Variants in FARP2 observed in about 807,000 individuals in gnomAD.
FARP2 encodes the protein FERM, ARH/RhoGEF and pleckstrin domain protein 2, also known as FERM, ARHGEF and pleckstrin domain-containing protein 2.
FARP2 carries 111 observed loss-of-function variants against 130.5 expected under a neutral mutation model. The ratio of observed to expected loss-of-function variants is 0.85; its 90% CI spans 0.73 to 1.00. The LOEUF (loss-of-function observed/expected upper bound fraction) is 1.00, where lower values mean the gene tolerates loss of function less well. FARP2 is among the 50% of genes least tolerant of loss of function. FARP2 has a pLI of 0.00. For synonymous variants in FARP2, 504 were observed against 516.9 expected, an observed-to-expected ratio of 0.98 and a Z score of 0.34; for missense variants, 1,385 against 1,346.3, an observed-to-expected ratio of 1.03 and a Z score of -0.45.
intron 6 of FARP2, among the ~76,000 whole-genome samples, chr2:241,412,665 AAAAT>A (rs2062550755): frequency 6.6e-6 from 1 of 152,212 alleles, no homozygotes; most frequent in Non-Finnish European, 1.5e-5. Flanking sequence ...ACATTATCCT[AAAAT>A]AAATAAAATA....
At position 241,427,973 on chromosome 2, in the gene FARP2, A is replaced by G. The variant is rs760550216; in HGVS notation, c.772-3706A>G. On this transcript the variant is annotated intron_variant, in intron 8 of 26. Transcript: ENST00000264042. ...AGTAGAGGCGGGGTTTCACTGTGTT[A>G]GCCAGGATGGTCTCGATCTCCTGAC... is the stretch of plus-strand genomic sequence containing the variant. 2.1e-3 allele frequency among the ~76,000 whole-genome samples: 325 copies of G among 152,000 alleles called. 1 individual carries two copies. The highest frequency in any genetic ancestry group is 6.6e-3 in the East Asian group (34 of 5,146).
chr2:241,389,491 A>G (rs1478714392), intron 2 of FARP2, among the ~76,000 whole-genome samples: 1 of 152,220 alleles, frequency 6.6e-6, no homozygotes, highest in Non-Finnish European at 1.5e-5. Context: ...ACTATGAGAA[A>G]TAAATGTTTG....
intron 8 of FARP2, among the ~76,000 whole-genome samples, chr2:241,418,497 TC>T (rs2062733163): frequency 9.9e-6 from 1 of 100,574 alleles, no homozygotes; most frequent in Non-Finnish European, 2.2e-5. Context: ...TGGAGCAGTC[TC>T]TGTGCTGTGG....
chr2:241,494,433 C>T lies in FARP2; in HGVS notation c.*308C>T, dbSNP rs545982528. On this transcript the variant is annotated 3_prime_UTR_variant, in exon 27 of 27. Transcript: ENST00000264042. The surrounding 1 kb of genome is among the most constrained non-coding windows in gnomAD (Gnocchi z 4.9). ...GCAGACAAGGCCTGAGCAGTGCTCT[C>T]GGCATCGGACCAAAGCCTGGGCACA... is the stretch of plus-strand genomic sequence containing the variant. 13 of 216,926 alleles carry T rather than the reference C, an allele frequency of 6.0e-5. No individual in the cohort carries two copies. The highest frequency in any genetic ancestry group is 1.4e-4 in the African/African-American group (6 of 43,962). The allele number at this position is 216,926 out of a possible 1,614,324, so 13.4% of individuals were successfully genotyped here.
At position 241,494,328 on chromosome 2, in the gene FARP2, T is replaced by G. The variant is rs1382072238; in HGVS notation, c.*203T>G. 2.6e-6 allele frequency: 1 copy of G among 388,694 alleles called. No individual in the cohort carries two copies. The highest frequency in any genetic ancestry group is 4.6e-5 in the Admixed American group (1 of 21,924). 24.1% of individuals were successfully genotyped at this position (388,694 alleles called of 1,614,324 possible). ...AGGACCTAGTGCATGCCAGCAGCTA[T>G]CTGGGGCCCTGGGAAAAATGTGCGA... On this transcript the variant is annotated 3_prime_UTR_variant, in exon 27 of 27. Coordinates refer to ENST00000264042, the MANE Select transcript of FARP2 (RefSeq NM_014808.4). This position sits in a 1 kb window ranked among gnomAD's most constrained non-coding sequence, Gnocchi z 4.9.
At chr2:241,454,463 A>G (rs2150448984) in intron 13 of FARP2, among the ~76,000 whole-genome samples, 1 of 152,356 alleles carries the variant, frequency 6.6e-6, no homozygotes, top group South Asian at 2.1e-4. Flanking sequence ...CCGAATTCTC[A>G]TCACATAAAA....
intron 13 of FARP2, chr2:241,444,669 C>T (rs1468864832): frequency 1.3e-5 from 2 of 152,078 alleles, no homozygotes; most frequent in Non-Finnish European, 2.9e-5. Context: ...CGCTCATGTG[C>T]GAGATTCTAA....
chr2:241,468,804 G>C (rs2240480), intron 18 of FARP2, among the ~76,000 whole-genome samples: 2 of 152,186 alleles, frequency 1.3e-5, no homozygotes, highest in African/African-American at 4.8e-5. Flanking sequence ...GCTCTAAAAC[G>C]TACAAAAGAT....
In FARP2 at chr2:241,437,132, CT is replaced by C. The variant is rs1304011874; in HGVS notation, c.1158+595del. Among the ~76,000 whole-genome samples, 6 of 152,318 alleles carry C rather than the reference CT, an allele frequency of 3.9e-5. No homozygotes were observed. In the East Asian group the frequency reaches 9.6e-4, roughly 24 times the overall value. ...TTCACTTAGTAGGATTTTTTGTTAA[CT>C]GCTGAAAGCATGGCTTAAAAAGAGT... is the stretch of plus-strand genomic sequence containing the variant. On this transcript the variant is annotated intron_variant, in intron 12 of 26. Transcript: ENST00000264042.
At chr2:241,462,876 G>A (rs531660125) in intron 15 of FARP2, among the ~76,000 whole-genome samples, 1 of 152,014 alleles carries the variant, frequency 6.6e-6, no homozygotes, top group African/African-American at 2.4e-5. Flanking sequence ...TTTTAGTAGA[G>A]GTGGGGTTTC....
chr2:241,380,125 G>A (rs1447876691), intron 2 of FARP2, among the ~76,000 whole-genome samples: 1 of 152,204 alleles, frequency 6.6e-6, no homozygotes, highest in African/African-American at 2.4e-5. Context: ...ATAGGGAAAT[G>A]TCATCCTATT....
Position 241,494,081 on chromosome 2 carries a change from C to T in FARP2, c.3121C>T (p.Pro1041Ser). 2 of 1,451,672 alleles carry T rather than the reference C, an allele frequency of 1.4e-6. No homozygotes were observed. The highest frequency in any genetic ancestry group is 3.3e-5 in the South Asian group (2 of 60,614). 89.9% of individuals were successfully genotyped at this position (1,451,672 alleles called of 1,614,324 possible). ...APSIVQDGPQ[P>S]SSGLEGMVRG... ...AAGCATCGTGCAGGATGGCCCCCAA[C>T]CCTCCTCAGGGCTGGAGGGGATGGT... The change falls in exon 27 of 27, where the codon CCC (proline) becomes TCC (serine). Residue 1041 changes from proline (P) to serine (S), a missense_variant. Pro to Ser is a moderately conservative substitution (Grantham distance 74, BLOSUM62 -1). Transcript: ENST00000264042. This position sits in a 1 kb window ranked among gnomAD's most constrained non-coding sequence, Gnocchi z 4.9.
At chr2:241,460,098 T>G (rs2063974313) in intron 14 of FARP2, among the ~76,000 whole-genome samples, 1 of 152,140 alleles carries the variant, frequency 6.6e-6, no homozygotes, top group African/African-American at 2.4e-5. Context: ...GAAGTTGTCC[T>G]CCCTCTACCA....
intron 21 of FARP2, among the ~76,000 whole-genome samples, chr2:241,484,567 C>G (rs1372279023): frequency 2.6e-5 from 4 of 152,282 alleles, no homozygotes; most frequent in African/African-American, 9.6e-5. Flanking sequence ...TGGTTCCCTT[C>G]TAGGGAAACC....
At chr2:241,425,605 T>C (rs1366658171) in intron 8 of FARP2, among the ~76,000 whole-genome samples, 1 of 129,626 alleles carries the variant, frequency 7.7e-6, no homozygotes, top group Non-Finnish European at 1.5e-5. Context: ...AAATGTGTTG[T>C]GAAATTGAGG....
chr2:241,405,664 G>GT (rs2062313795), intron 4 of FARP2, among the ~76,000 whole-genome samples: 1 of 151,720 alleles, frequency 6.6e-6, no homozygotes, highest in African/African-American at 2.4e-5. Flanking sequence ...GCCCGGTGTG[G>GT]GGCTCATGCC....
intron 17 of FARP2, chr2:241,466,357 G>A (rs62190407): frequency 0.17 from 168,581 of 985,290 alleles, 15,135 homozygotes; most frequent in Admixed American, 0.36. Flanking sequence ...CTCCTGGAGC[G>A]CCTGCCAGGA....
intron 2 of FARP2, among the ~76,000 whole-genome samples, chr2:241,374,608 C>T (rs1485875689): frequency 1.3e-5 from 2 of 152,048 alleles, no homozygotes; most frequent in East Asian, 3.9e-4. Flanking sequence ...AGGAGGGGAG[C>T]TTGGTGGGTG....
At chr2:241,469,731 C>T (rs149058722) in intron 18 of FARP2, among the ~76,000 whole-genome samples, 1 of 152,190 alleles carries the variant, frequency 6.6e-6, no homozygotes, top group African/African-American at 2.4e-5. Flanking sequence ...TGGCCTGGGC[C>T]CGGGCCACCA....
Sources: gnomAD v4.1 joint callset for allele counts (sites outside exome capture counted in the v4.1 genomes callset) on GRCh38, gnomAD v4.1.1 for gene constraint, Gnocchi (gnomAD v3.1) non-coding constraint, MANE v1.5 for transcripts, NCBI Gene and HGNC (gene_info 2026-07-23, HGNC 2026-07-21) for gene names.